The following PDE1A variants were observed in gnomAD, a reference collection of about 807,000 sequenced individuals.
PDE1A encodes dual specificity calcium/calmodulin-dependent 3',5'-cyclic nucleotide phosphodiesterase 1A.
A neutral mutation model predicts 61.7 loss-of-function variants in PDE1A; 35 were observed. The ratio of observed to expected loss-of-function variants is 0.57; its 90% CI spans 0.43 to 0.75. The LOEUF is 0.75. Among genes scored for constraint, PDE1A ranks in the 30% least tolerant of loss-of-function variants. The probability of loss-of-function intolerance (pLI) is 0.00; values close to 1 mark genes in which losing one functional copy is unlikely to be tolerated. For synonymous variants in PDE1A, 232 were observed against 213.2 expected (o/e 1.09, Z -0.77); for missense variants, 597 against 630.6 (o/e 0.95, Z 0.57).
At chr2:182,270,057 T>C (rs1233297646) in intron 1 of PDE1A, among the ~76,000 whole-genome samples, 1 of 152,160 alleles carries the variant, frequency 6.6e-6, no homozygotes, top group Non-Finnish European at 1.5e-5. Context: ...CACAAATCTT[T>C]GATAATTCCT....
chr2:182,245,221 G>A (rs1690860112), intron 2 of PDE1A, among the ~76,000 whole-genome samples: 1 of 152,054 alleles, frequency 6.6e-6, no homozygotes, highest in South Asian at 2.1e-4. Context: ...CAGAAAAATC[G>A]AGTGTATAGT....
chr2:182,678,143 G>T, the PDE1A span, among the ~76,000 whole-genome samples: 1 of 152,194 alleles, frequency 6.6e-6, no homozygotes, highest in Non-Finnish European at 1.5e-5. Flanking sequence ...GAGAAAATAT[G>T]GCTGGGCGCA....
chr2:182,555,127 T>C, the PDE1A span, among the ~76,000 whole-genome samples: 1 of 152,230 alleles, frequency 6.6e-6, no homozygotes. Flanking sequence ...TTAATTACAG[T>C]AGCACTCACA....
chr2:182,712,776 T>C, the PDE1A span, among the ~76,000 whole-genome samples: 1 of 152,216 alleles, frequency 6.6e-6, no homozygotes, highest in African/African-American at 2.4e-5. Context: ...CAGGATGGTC[T>C]CAATCTCCTG....
intron 6 of PDE1A, among the ~76,000 whole-genome samples, chr2:182,226,180 A>G (rs1290493115): frequency 6.7e-6 from 1 of 149,980 alleles, no homozygotes; most frequent in African/African-American, 2.5e-5. Context: ...GGCAGCATTC[A>G]TTATCTACTA....
chr2:182,518,043 A>G (rs1690322673), intron 2 of PDE1A, among the ~76,000 whole-genome samples: 1 of 152,182 alleles, frequency 6.6e-6, no homozygotes, highest in South Asian at 2.1e-4. Context: ...AAGGAGAGGC[A>G]TTAGAGGAGA....
At chr2:182,378,097 C>A (rs1266380309) in intron 1 of PDE1A, among the ~76,000 whole-genome samples, 7 of 152,138 alleles carry the variant, frequency 4.6e-5, no homozygotes, top group African/African-American at 7.2e-5. Flanking sequence ...CCACCCGCCT[C>A]AGCCTCCCAA....
upstream of PDE1A, among the ~76,000 whole-genome samples, chr2:182,428,714 T>A (rs896665745): frequency 1.3e-5 from 2 of 152,106 alleles, no homozygotes; most frequent in African/African-American, 2.4e-5. Flanking sequence ...GGATTTTGCG[T>A]TTGTGGGTAG....
chr2:182,442,919 T>C (rs552523302), intron 2 of PDE1A, among the ~76,000 whole-genome samples: 1 of 152,184 alleles, frequency 6.6e-6, no homozygotes, highest in South Asian at 2.1e-4. Context: ...ATGACATCTG[T>C]GTATTGTCTC....
Position 182,410,824 on chromosome 2 carries a change from C to A in PDE1A, c.53+15754G>T, listed in dbSNP as rs550400260. 2.4e-4 allele frequency among the ~76,000 whole-genome samples: 36 copies of A among 152,284 alleles called. No homozygotes were observed. In the South Asian group the frequency reaches 2.5e-3, roughly 11 times the overall value. On this transcript the variant is annotated intron_variant, in intron 1 of 13. Transcript: ENST00000351439. ...ACAAGACACAGAAAAGAAGTACCAT[C>A]CATTCCCTTTGTGCCTATCCATGCC...
the PDE1A span, among the ~76,000 whole-genome samples, chr2:182,685,962 A>C: frequency 6.6e-6 from 1 of 152,218 alleles, no homozygotes; most frequent in Non-Finnish European, 1.5e-5. Flanking sequence ...CTTAATCATC[A>C]TATATCATAT....
At chr2:182,649,276 A>T in the PDE1A span, among the ~76,000 whole-genome samples, 1 of 152,218 alleles carries the variant, frequency 6.6e-6, no homozygotes, top group East Asian at 1.9e-4. Context: ...ATAAGTTATT[A>T]GCACAGAAAC....
chr2:182,616,247 AAC>A, the PDE1A span, among the ~76,000 whole-genome samples: 2 of 152,224 alleles, frequency 1.3e-5, no homozygotes, highest in African/African-American at 4.8e-5. Flanking sequence ...GCAAAAGTTC[AAC>A]ACTAAAGTTT....
At chr2:182,587,898 A>T in the PDE1A span, among the ~76,000 whole-genome samples, 1 of 152,246 alleles carries the variant, frequency 6.6e-6, no homozygotes, top group African/African-American at 2.4e-5. Flanking sequence ...GAAGACATTT[A>T]GCATGAGAGA....
chr2:182,667,756 C>T, the PDE1A span, among the ~76,000 whole-genome samples: 1 of 149,926 alleles, frequency 6.7e-6, no homozygotes, highest in South Asian at 2.1e-4. Flanking sequence ...ATTGCTATAT[C>T]TGGAAAAGAC....
At chr2:182,418,396 T>C (rs1000658072) in intron 1 of PDE1A, among the ~76,000 whole-genome samples, 1 of 152,180 alleles carries the variant, frequency 6.6e-6, no homozygotes, top group Non-Finnish European at 1.5e-5. Flanking sequence ...ACCAGGAATC[T>C]CAGGCATGCT....
intron 1 of PDE1A, among the ~76,000 whole-genome samples, chr2:182,407,742 G>T (rs149741039): frequency 6.6e-6 from 1 of 152,076 alleles, no homozygotes. Context: ...AACAGAACTT[G>T]ACCAACCACT....
the PDE1A span, among the ~76,000 whole-genome samples, chr2:182,713,177 C>T: frequency 3.3e-5 from 5 of 152,000 alleles, no homozygotes; most frequent in Non-Finnish European, 7.4e-5. Context: ...TTTGGTGAAA[C>T]CTTTGGCAAA....
At chr2:182,294,763 A>G (rs1189924687) in intron 1 of PDE1A, among the ~76,000 whole-genome samples, 1 of 152,136 alleles carries the variant, frequency 6.6e-6, no homozygotes, top group Non-Finnish European at 1.5e-5. Flanking sequence ...AAAAAATGTG[A>G]ATTGAGAAAG....
Sources: gnomAD v4.1 joint callset for allele counts (sites outside exome capture counted in the v4.1 genomes callset) on GRCh38, gnomAD v4.1.1 for gene constraint, MANE v1.5 for transcripts, NCBI Gene and HGNC (gene_info 2026-07-23, HGNC 2026-07-21) for gene names.